The following LINGO2 variants were observed in gnomAD, a reference collection of about 807,000 sequenced individuals.
LINGO2 encodes leucine rich repeat and Ig domain containing 2.
In LINGO2, 14 loss-of-function variants were observed where a neutral mutation model predicts 30.6. That is an observed-to-expected ratio of 0.46 (90% CI 0.30 to 0.72). The LOEUF (loss-of-function observed/expected upper bound fraction) is 0.72. Ranked by LOEUF, LINGO2 falls within the 30% of genes least tolerant of loss-of-function variation. The probability of loss-of-function intolerance (pLI) is 0.07; values close to 1 mark genes in which losing one functional copy is unlikely to be tolerated. For synonymous variants in LINGO2, 317 were observed against 288.5 expected (o/e 1.10, Z -1.00); for missense variants, 729 against 751.7 (o/e 0.97, Z 0.35).
chr9:28,931,442 G>A, the LINGO2 span, among the ~76,000 whole-genome samples: 1 of 152,286 alleles, frequency 6.6e-6, no homozygotes, highest in Non-Finnish European at 1.5e-5. Context: ...CTCTGGTACT[G>A]AGTTACTCAA....
chr9:27,943,669 T>A (rs1323956865), downstream of LINGO2: 2 of 151,672 alleles, frequency 1.3e-5, no homozygotes, highest in East Asian at 3.9e-4. Flanking sequence ...GAATCTCAGT[T>A]ACCAATGAAA....
the LINGO2 span, among the ~76,000 whole-genome samples, chr9:29,011,328 G>C: frequency 6.6e-6 from 1 of 152,088 alleles, no homozygotes; most frequent in East Asian, 1.9e-4. Context: ...GTCCTGTGTT[G>C]ACTTCATACC....
At chr9:28,960,221 T>G in the LINGO2 span, among the ~76,000 whole-genome samples, 2 of 152,100 alleles carry the variant, frequency 1.3e-5, no homozygotes, top group Admixed American at 1.3e-4. Context: ...TAAGAAAAGA[T>G]AGCAAATAAT....
At chr9:27,992,056 T>C (rs1342280203) in intron 5 of LINGO2, among the ~76,000 whole-genome samples, 2 of 152,040 alleles carry the variant, frequency 1.3e-5, no homozygotes, top group African/African-American at 2.4e-5. Context: ...GACGCATTTC[T>C]CCAACTTTTC....
chr9:28,808,719 C>G, the LINGO2 span, among the ~76,000 whole-genome samples: 1 of 152,128 alleles, frequency 6.6e-6, no homozygotes, highest in East Asian at 1.9e-4. Context: ...AGACATAAAA[C>G]CAATCCAAGG....
chr9:28,240,705 G>A (rs539623633), intron 4 of LINGO2, among the ~76,000 whole-genome samples: 1 of 152,070 alleles, frequency 6.6e-6, no homozygotes, highest in Non-Finnish European at 1.5e-5. Flanking sequence ...AGAAAACCTT[G>A]GGGGAAACTC....
At chr9:29,081,140 C>G in the LINGO2 span, among the ~76,000 whole-genome samples, 1 of 152,070 alleles carries the variant, frequency 6.6e-6, no homozygotes, top group Non-Finnish European at 1.5e-5. Context: ...GAATTTTTGA[C>G]CAATATCCCT....
chr9:29,194,613 G>A, the LINGO2 span, among the ~76,000 whole-genome samples: 1 of 152,064 alleles, frequency 6.6e-6, no homozygotes, highest in Non-Finnish European at 1.5e-5. Context: ...AAGGAATAAA[G>A]GTCAAATATT....
chr9:29,152,879 A>G, the LINGO2 span, among the ~76,000 whole-genome samples: 1 of 152,230 alleles, frequency 6.6e-6, no homozygotes, highest in East Asian at 1.9e-4. Flanking sequence ...ATTTGATTAT[A>G]TATAAATTGT....
At chr9:28,401,269 C>G (rs1427684010) in intron 2 of LINGO2, among the ~76,000 whole-genome samples, 2 of 151,990 alleles carry the variant, frequency 1.3e-5, no homozygotes, top group Non-Finnish European at 2.9e-5. Context: ...TTGAGCCATC[C>G]TCTAAGCTCC....
chr9:28,352,185 C>T (rs1401426491), intron 3 of LINGO2, among the ~76,000 whole-genome samples: 1 of 151,918 alleles, frequency 6.6e-6, no homozygotes, highest in African/African-American at 2.4e-5. Flanking sequence ...AAAGGGTATT[C>T]AGTTAGGAAA....
intron 1 of LINGO2, among the ~76,000 whole-genome samples, chr9:28,545,538 T>A (rs1263328252): frequency 6.6e-6 from 1 of 151,908 alleles, no homozygotes; most frequent in Non-Finnish European, 1.5e-5. Context: ...AATAAACAGA[T>A]GAACAATTAA....
intron 4 of LINGO2, among the ~76,000 whole-genome samples, chr9:28,275,668 A>G (rs1242568708): frequency 6.6e-6 from 1 of 152,182 alleles, no homozygotes; most frequent in African/African-American, 2.4e-5. Context: ...AAACTATCCT[A>G]AGGCACTATA....
At chr9:28,701,574 G>A in the LINGO2 span, among the ~76,000 whole-genome samples, 7 of 151,856 alleles carry the variant, frequency 4.6e-5, no homozygotes, top group Admixed American at 1.3e-4. Flanking sequence ...ATTGGTTAAC[G>A]TCAGTCCTGT....
intron 2 of LINGO2, among the ~76,000 whole-genome samples, chr9:28,462,093 C>T (rs1454102704): frequency 6.6e-6 from 1 of 151,982 alleles, no homozygotes; most frequent in African/African-American, 2.4e-5. Flanking sequence ...TTATCTTTAT[C>T]TTTGTTTACA....
upstream of LINGO2, among the ~76,000 whole-genome samples, chr9:28,673,667 G>GATCATC (rs139919509): frequency 0.19 from 28,373 of 147,036 alleles, 3,357 homozygotes; most frequent in African/African-American, 0.33. Context: ...ACTCTGTCTC[G>GATCATC]ATCATCATCA....
intron 1 of LINGO2, among the ~76,000 whole-genome samples, chr9:28,589,013 T>C (rs1824721593): frequency 6.6e-6 from 1 of 152,118 alleles, no homozygotes; most frequent in East Asian, 1.9e-4. Flanking sequence ...AATCAATAAA[T>C]GTAATCCAGC....
chr9:28,179,384 T>C (rs1436501620), intron 4 of LINGO2, among the ~76,000 whole-genome samples: 2 of 132,556 alleles, frequency 1.5e-5, no homozygotes, highest in African/African-American at 5.6e-5. Context: ...ATGCTATATA[T>C]AGTATATATA....
rs111331205 is a variant in LINGO2 at position 28,165,561 on chromosome 9, T to C, written c.-87+129647A>G. 7.7e-4 allele frequency among the ~76,000 whole-genome samples: 118 copies of C among 152,286 alleles called. 1 individual carries two copies. The highest frequency in any genetic ancestry group is 2.7e-3 in the African/African-American group (113 of 41,562). ...TGCCATTTCCCATTCATTTTTAGTT[T>C]TAAAGGAAGGAAAAGAAGAGCAAGA... On this transcript the variant is annotated intron_variant, in intron 4 of 5. Coordinates refer to ENST00000379992, the Ensembl canonical transcript of LINGO2.
Sources: allele counts gnomAD v4.1 joint callset (sites outside exome capture counted in the v4.1 genomes callset), GRCh38; gene constraint gnomAD v4.1.1; transcripts MANE v1.5; gene names NCBI Gene and HGNC (gene_info 2026-07-23, HGNC 2026-07-21).